Variants in TENM3 observed in about 807,000 individuals in gnomAD.
TENM3 encodes the protein teneurin-3.
In TENM3, 63 loss-of-function variants were observed where a neutral mutation model predicts 255.1. The ratio of observed to expected loss-of-function variants is 0.25; its 90% CI spans 0.20 to 0.30. The LOEUF (loss-of-function observed/expected upper bound fraction) is 0.30, where lower values mean the gene tolerates loss of function less well. Ranked by LOEUF, TENM3 falls within the 10% of genes least tolerant of loss-of-function variation. The pLI is 1.00. For missense variants in TENM3, 2,929 were observed against 3,461.1 expected, an observed-to-expected ratio of 0.85 and a Z score of 3.86; for synonymous variants, 1,306 against 1,322.3, an observed-to-expected ratio of 0.99 and a Z score of 0.27.
At chr4:182,160,640 G>A (rs1365478679) in intron 1 of TENM3, among the ~76,000 whole-genome samples, 4 of 152,138 alleles carry the variant, frequency 2.6e-5, no homozygotes, top group Admixed American at 1.3e-4. Context: ...TAAAAAAGTC[G>A]AAATCATGGA....
At chr4:182,228,186 G>A (rs1299523367) in intron 1 of TENM3, among the ~76,000 whole-genome samples, 2 of 151,906 alleles carry the variant, frequency 1.3e-5, no homozygotes, top group Admixed American at 1.3e-4. Context: ...AGTTAATAAT[G>A]TTGTATTGTG....
At chr4:181,771,650 T>C in the TENM3 span, among the ~76,000 whole-genome samples, 1 of 152,230 alleles carries the variant, frequency 6.6e-6, no homozygotes, top group Non-Finnish European at 1.5e-5. Context: ...CCAAGAGTTA[T>C]TTAGTATAAT....
intron 23 of TENM3, 121 bp downstream of exon 23, chr4:182,773,768 G>T: frequency 1.2e-6 from 1 of 819,082 alleles, no homozygotes; most frequent in Non-Finnish European, 1.9e-6. Context: ...TAGAAATATT[G>T]GTGACATAAT....
At chr4:182,621,234 T>C (rs1750105746) in intron 4 of TENM3, among the ~76,000 whole-genome samples, 1 of 152,050 alleles carries the variant, frequency 6.6e-6, no homozygotes, top group African/African-American at 2.4e-5. Flanking sequence ...CAGGCTGGTC[T>C]TGAATTCCTG....
chr4:182,202,720 A>C (rs1421249105), intron 1 of TENM3, among the ~76,000 whole-genome samples: 1 of 152,158 alleles, frequency 6.6e-6, no homozygotes, highest in Non-Finnish European at 1.5e-5. Context: ...CCAGACACAG[A>C]ATGTGGCAGA....
chr4:181,485,719 C>T, the TENM3 span, among the ~76,000 whole-genome samples: 1 of 152,000 alleles, frequency 6.6e-6, no homozygotes, highest in African/African-American at 2.4e-5. Context: ...TGCATTGATG[C>T]CTAATATCAC....
intron 3 of TENM3, among the ~76,000 whole-genome samples, chr4:182,417,140 ATTT>A (rs777171102): frequency 4.0e-5 from 6 of 150,506 alleles, no homozygotes; most frequent in Admixed American, 6.6e-5. Context: ...CGCCCAGCTA[ATTT>A]TTTTTTGTAT....
At chr4:182,718,384 G>A (rs1012917591) in intron 13 of TENM3, among the ~76,000 whole-genome samples, 1 of 151,938 alleles carries the variant, frequency 6.6e-6, no homozygotes, top group Non-Finnish European at 1.5e-5. Flanking sequence ...CCACCACAAA[G>A]AACACACACC....
chr4:181,807,241 T>C, the TENM3 span, among the ~76,000 whole-genome samples: 2 of 152,248 alleles, frequency 1.3e-5, no homozygotes, highest in African/African-American at 4.8e-5. Context: ...ACTTTGACTA[T>C]GTTTGAACAA....
the TENM3 span, among the ~76,000 whole-genome samples, chr4:181,811,044 A>G: frequency 2.0e-5 from 3 of 152,222 alleles, no homozygotes; most frequent in South Asian, 6.2e-4. Context: ...GAAGCAGCAT[A>G]TGGAGAGATG....
At chr4:181,786,824 C>A in the TENM3 span, among the ~76,000 whole-genome samples, 2 of 151,886 alleles carry the variant, frequency 1.3e-5, no homozygotes, top group South Asian at 2.1e-4. Flanking sequence ...GAAGGTTCTG[C>A]GGCCTCTCAG....
At chr4:181,901,395 C>G in the TENM3 span, among the ~76,000 whole-genome samples, 3 of 152,186 alleles carry the variant, frequency 2.0e-5, no homozygotes, top group African/African-American at 7.2e-5. Flanking sequence ...ATGGGGCTAC[C>G]CAGAATGGGA....
intron 1 of TENM3, among the ~76,000 whole-genome samples, chr4:182,160,148 G>A (rs1036565639): frequency 7.3e-5 from 11 of 149,778 alleles, no homozygotes; most frequent in Admixed American, 2.0e-4. Flanking sequence ...GACTACAGGC[G>A]CCCGCCACCA....
the TENM3 span, among the ~76,000 whole-genome samples, chr4:181,918,554 A>G: frequency 2.6e-5 from 4 of 152,186 alleles, no homozygotes; most frequent in Middle Eastern, 3.2e-3. Flanking sequence ...TTCAATTATT[A>G]TTTTCATTTA....
chr4:182,360,785 G>T (rs891828754), intron 3 of TENM3, among the ~76,000 whole-genome samples: 1 of 151,928 alleles, frequency 6.6e-6, no homozygotes, highest in Non-Finnish European at 1.5e-5. Context: ...TGGTTATTTT[G>T]CTCGTTAGTT....
intron 1 of TENM3, among the ~76,000 whole-genome samples, chr4:182,262,921 G>T (rs577939960): frequency 5.9e-5 from 9 of 152,066 alleles, no homozygotes; most frequent in Non-Finnish European, 8.8e-5. Context: ...CACCGTGTTA[G>T]CCAGGATGGT....
At chr4:181,616,911 A>G in the TENM3 span, among the ~76,000 whole-genome samples, 2 of 151,878 alleles carry the variant, frequency 1.3e-5, no homozygotes, top group African/African-American at 2.4e-5. Context: ...TCTTTCGGAA[A>G]CTCCCTCATG....
intron 1 of TENM3, among the ~76,000 whole-genome samples, chr4:182,172,096 A>G (rs962393588): frequency 5.0e-5 from 4 of 80,134 alleles, no homozygotes; most frequent in African/African-American, 1.7e-4. Context: ...TTTGTAGTAC[A>G]CCATTATAAA....
chr4:182,240,561 G>A (rs1200201266), upstream of TENM3, among the ~76,000 whole-genome samples: 1 of 152,212 alleles, frequency 6.6e-6, no homozygotes, highest in African/African-American at 2.4e-5. Flanking sequence ...GCTGATCTCA[G>A]AGTGAAAATG....
Sources: allele counts gnomAD v4.1 joint callset (sites outside exome capture counted in the v4.1 genomes callset), GRCh38; gene constraint gnomAD v4.1.1; transcripts MANE v1.5; gene names NCBI Gene and HGNC (gene_info 2026-07-23, HGNC 2026-07-21).